Variants in ZFX observed in about 807,000 individuals in gnomAD.
ZFX encodes the protein zinc finger X-chromosomal protein.
For missense variants in ZFX, 362 were observed against 628.3 expected, an observed-to-expected ratio of 0.58 and a Z score of 4.53; for synonymous variants, 196 against 226.8, an observed-to-expected ratio of 0.86 and a Z score of 1.22.
At chrX:24,166,720 A>G (rs914142037) in intron 3 of ZFX, among the ~76,000 whole-genome samples, 1 of 112,014 alleles carries the variant, frequency 8.9e-6, no homozygotes, top group Non-Finnish European at 1.9e-5. Context: ...TAGAGAACAC[A>G]CACACTTATT....
At chrX:24,163,389 T>TC (rs1933621401) in intron 3 of ZFX, among the ~76,000 whole-genome samples, 6 of 77,782 alleles carry the variant, frequency 7.7e-5, no homozygotes, top group Non-Finnish European at 1.5e-4. Flanking sequence ...TTTTTTTTTT[T>TC]TTTTTTGATA....
In ZFX at chrX:24,207,348, A is replaced by G. The variant is rs753497962; in HGVS notation, c.669A>G (p.Glu223=). ...MISLDDAGKI[E]HDGSSGMTMD... ...TAGTGGATGATGCTGGCAAAATAGA[A>G]CACGATGGTTCTTCTGGAATGACCA... is the stretch of plus-strand genomic sequence containing the variant. Residue 223 remains glutamate, a synonymous_variant, in exon 6 of 10, where the codon GAA becomes GAG. Transcript: ENST00000304543. 1.7e-6 allele frequency: 2 copies of G among 1,210,062 alleles called. No homozygotes were observed. Among genetic ancestry groups the G allele is most frequent in the Non-Finnish European group, 2.2e-6 (2 of 895,002 alleles).
Position 24,207,701 on chromosome X carries a change from C to T in ZFX, c.797-11C>T. The T allele has an allele frequency of 8.3e-7, 1 of 1,206,149 alleles. No individual in the cohort carries two copies. Among genetic ancestry groups the T allele is most frequent in the African/African-American group, 1.7e-5 (1 of 57,601 alleles). ...TAAATTATTGAAGCTGTCTTCTTCC[C>T]TGATTGATAGGTGGAACTGTAGACA... is the stretch of plus-strand genomic sequence containing the variant. On this transcript the variant is annotated splice_polypyrimidine_tract_variant and intron_variant, in intron 6 of 9. Transcript: ENST00000304543.
At chrX:24,202,488 C>T (rs1004505099) in intron 5 of ZFX, among the ~76,000 whole-genome samples, 1 of 111,831 alleles carries the variant, frequency 8.9e-6, no homozygotes, top group African/African-American at 3.2e-5. Context: ...CATGCTACTA[C>T]GGTGGACATT....
At chrX:24,176,721 CCA>C in intron 4 of ZFX, among the ~76,000 whole-genome samples, 1 of 110,645 alleles carries the variant, frequency 9.0e-6, no homozygotes, top group Middle Eastern at 4.6e-3. Context: ...GCGTGAGCCA[CCA>C]CGCCAGACCT....
chrX:24,195,355 A>ATT (rs751175753), intron 5 of ZFX, among the ~76,000 whole-genome samples: 3 of 83,968 alleles, frequency 3.6e-5, no homozygotes, highest in African/African-American at 8.8e-5. Flanking sequence ...CACCGTGCCA[A>ATT]TTTTTTTTTT....
rs1255341708 is a variant in ZFX, at chrX:24,211,132, G to A, written c.2174G>A (p.Arg725Lys). 2 of 1,212,333 alleles carry A rather than the reference G, an allele frequency of 1.6e-6. No individual in the cohort carries two copies. The highest frequency in any genetic ancestry group is 3.5e-5 in the South Asian group (2 of 57,034). The part of the protein sequence containing the change: ...KDLPFRCKRC[R>K]KGFRQQSELK... ...CTTCCATTTAGGTGCAAGAGATGTA[G>A]AAAGGGATTTAGGCAACAGAGTGAG... Residue 725 changes from arginine (R) to lysine (K), a missense_variant, in exon 10 of 10, where the codon AGA (arginine) becomes AAA (lysine). Transcript: ENST00000304543.
intron 9 of ZFX, among the ~76,000 whole-genome samples, chrX:24,209,451 A>C (rs1868336146): frequency 8.9e-6 from 1 of 112,780 alleles, no homozygotes; most frequent in African/African-American, 3.2e-5. Context: ...TGATTTGCGT[A>C]TTAAAAATTT....
chrX:24,198,712 G>A (rs183199699), intron 5 of ZFX, among the ~76,000 whole-genome samples: 2 of 110,985 alleles, frequency 1.8e-5, no homozygotes, highest in Non-Finnish European at 3.8e-5. Context: ...GAGTAATACA[G>A]CATATTATAA....
rs769308858 is a variant in ZFX, at chrX:24,179,570, A to G, written c.446A>G (p.His149Arg). ...GTGTCTGACGTTGGACATGTTGGAC[A>G]TGTTGGACATGTTGAACATGTGGTT... is the stretch of plus-strand genomic sequence containing the variant. ...IHVSDVGHVG[H>R]VGHVEHVVHD... Residue 149 changes from histidine (H) to arginine (R), a missense_variant, in exon 5 of 10, where the codon CAT (histidine) becomes CGT (arginine). Transcript: ENST00000304543. The G allele has an allele frequency of 1.4e-5, 17 of 1,210,602 alleles. No homozygotes were observed. Among genetic ancestry groups the G allele is most frequent in the African/African-American group, 5.2e-5 (3 of 57,304 alleles).
chrX:24,203,410 C>T (rs752039852), intron 5 of ZFX, among the ~76,000 whole-genome samples: 2 of 112,543 alleles, frequency 1.8e-5, no homozygotes, highest in Non-Finnish European at 3.8e-5. Flanking sequence ...CCCAGTCCTG[C>T]AGCAGATGTT....
At chrX:24,149,363 G>A (rs1931676386), upstream of ZFX, 1 of 110,180 alleles carries the variant, frequency 9.1e-6, no homozygotes, top group Non-Finnish European at 1.9e-5. Context: ...GCCCCGCGCG[G>A]GCTTTACGGC....
intron 4 of ZFX, chrX:24,173,502 G>GA (rs751776756): frequency 0.019 from 19,329 of 1,019,310 alleles, 153 homozygotes; most frequent in Middle Eastern, 0.036. Flanking sequence ...CTAAAAATAG[G>GA]AAAAAAAACA....
chrX:24,157,885 A>G (rs1293443359), intron 3 of ZFX, among the ~76,000 whole-genome samples: 1 of 111,345 alleles, frequency 9.0e-6, no homozygotes, highest in East Asian at 2.8e-4. Context: ...CAGCGTCCCG[A>G]GTAGCTGGGA....
rs1475157953 is a variant in ZFX, at chrX:24,215,328, A to G, written c.*3952A>G. On this transcript the variant is annotated 3_prime_UTR_variant, in exon 10 of 10. Coordinates refer to ENST00000304543, the MANE Select transcript of ZFX (RefSeq NM_003410.4). The stretch of plus-strand genomic sequence containing the variant: ...CATGTAAGGAAAAACATGGCTAATC[A>G]ATATCTTAAAGGGGCAATCTTTCAG... 2 of 111,845 alleles carry G rather than the reference A, an allele frequency of 1.8e-5. No homozygotes were observed. Among genetic ancestry groups the G allele is most frequent in the Non-Finnish European group, 3.8e-5 (2 of 53,215 alleles). 9.2% of individuals were successfully genotyped at this position (111,845 alleles called of 1,213,427 possible).
rs1420405928 is a variant in ZFX, at chrX:24,207,837, C to G, written c.922C>G (p.Pro308Ala). Reference sequence around the variant, plus strand: ...TTATATGACTGTCAATGACTCTCAGCCAGAAGATGAAGATTTAAGTAAGTA... The same window carrying G: ...TTATATGACTGTCAATGACTCTCAGGCAGAAGATGAAGATTTAAGTAAGTA... ...MVYMTVNDSQ[P>A]EDEDLNVAEI... is the part of the protein sequence containing the mutation. The change falls in exon 7 of 10, where the codon CCA (proline) becomes GCA (alanine). Residue 308 changes from proline to alanine, a missense_variant. Transcript: ENST00000304543. 3.3e-6 allele frequency: 4 copies of G among 1,208,148 alleles called. No individual in the cohort carries two copies. The Admixed American group carries it at 8.8e-5, about 27-fold the overall frequency.
chrX:24,179,798 A>G (rs1208060128), intron 5 of ZFX, 28 bp downstream of exon 5: 2 of 1,159,537 alleles, frequency 1.7e-6, no homozygotes, highest in Admixed American at 4.8e-5. Flanking sequence ...GTGATTGTCA[A>G]AGGTGTTTTT....
intron 5 of ZFX, among the ~76,000 whole-genome samples, chrX:24,180,626 G>T (rs892185839): frequency 9.0e-6 from 1 of 111,507 alleles, no homozygotes; most frequent in Non-Finnish European, 1.9e-5. Flanking sequence ...CAGGCAATCC[G>T]CCTGCCTTGG....
chrX:24,157,310 A>G (rs760905915), intron 3 of ZFX, among the ~76,000 whole-genome samples: 12 of 112,220 alleles, frequency 1.1e-4, no homozygotes, highest in Non-Finnish European at 2.3e-4. Context: ...GTTGACTTAT[A>G]TGTATTGATC....
Sources: allele counts gnomAD v4.1 joint callset (sites outside exome capture counted in the v4.1 genomes callset), GRCh38; gene constraint gnomAD v4.1.1; transcripts MANE v1.5; gene names NCBI Gene and HGNC (gene_info 2026-07-23, HGNC 2026-07-21).